The following SLC8A1 variants were observed in gnomAD, a reference collection of about 807,000 sequenced individuals.
SLC8A1 encodes sodium/calcium exchanger 1.
Under a neutral mutation model 68.3 loss-of-function variants are expected in SLC8A1, and 18 were observed. That is an observed-to-expected ratio of 0.26 (90% CI 0.18 to 0.39). The LOEUF is 0.39. SLC8A1 is among the 10% of genes least tolerant of loss of function. The pLI, the probability that SLC8A1 is intolerant of heterozygous loss-of-function variation, is 1.00. For missense variants in SLC8A1, 985 were observed against 1,156.7 expected, an observed-to-expected ratio of 0.85 and a Z score of 2.15; for synonymous variants, 475 against 415.5, an observed-to-expected ratio of 1.14 and a Z score of -1.74.
At chr2:40,367,053 G>C (rs1177097985) in intron 2 of SLC8A1, among the ~76,000 whole-genome samples, 1 of 151,912 alleles carries the variant, frequency 6.6e-6, no homozygotes, top group African/African-American at 2.4e-5. Context: ...ATGAATTACT[G>C]AGGTTCTGGG....
Position 40,360,740 on chromosome 2 carries a change from C to A in SLC8A1, c.1808+67733G>T, listed in dbSNP as rs150702031. ...TAGAATCTGCATCACACTCTCAACC[C>A]CTATGAGACAGAGCCCACTACTCCA... On this transcript the variant is annotated intron_variant, in intron 2 of 7. Transcript: ENST00000406785. Among the ~76,000 whole-genome samples, 1,191 of 152,218 alleles carry A rather than the reference C, an allele frequency of 7.8e-3. 8 individuals carry two copies. Among genetic ancestry groups the A allele is most frequent in the African/African-American group, 0.027 (1,124 of 41,548 alleles).
chr2:40,424,777 T>A (rs781013254), intron 2 of SLC8A1, among the ~76,000 whole-genome samples: 6 of 152,010 alleles, frequency 3.9e-5, no homozygotes, highest in Middle Eastern at 3.4e-3. Flanking sequence ...TAAACGCTCA[T>A]AATCTTTTAA....
chr2:40,242,407 T>C (rs1032800488), intron 2 of SLC8A1, among the ~76,000 whole-genome samples: 2 of 152,230 alleles, frequency 1.3e-5, no homozygotes, highest in African/African-American at 4.8e-5. Flanking sequence ...TGTAACCTCA[T>C]TGTTGTCCTG....
chr2:40,262,770 C>T (rs949916575), intron 2 of SLC8A1, among the ~76,000 whole-genome samples: 2 of 152,126 alleles, frequency 1.3e-5, no homozygotes. Context: ...TCCAAAATAG[C>T]AATTCTAGGC....
chr2:40,466,989 G>A (rs1703713472), intron 1 of SLC8A1, among the ~76,000 whole-genome samples: 2 of 137,102 alleles, frequency 1.5e-5, no homozygotes, highest in African/African-American at 5.4e-5. Flanking sequence ...AAAAAAAAAT[G>A]TGCAGAGAAC....
chr2:40,233,562 C>T (rs9678646), intron 2 of SLC8A1, among the ~76,000 whole-genome samples: 92,064 of 123,958 alleles, frequency 0.74, 35,071 homozygotes, highest in Middle Eastern at 0.83. Flanking sequence ...TTCTCTCTGA[C>T]GGTAGTTTCT....
chr2:40,448,151 T>C (rs1249392852), intron 1 of SLC8A1, among the ~76,000 whole-genome samples: 2 of 152,226 alleles, frequency 1.3e-5, no homozygotes, highest in East Asian at 3.8e-4. Context: ...GACTGTTTGA[T>C]TAATAAGTAC....
intron 2 of SLC8A1, among the ~76,000 whole-genome samples, chr2:40,359,973 G>C (rs773326265): frequency 2.0e-5 from 3 of 151,678 alleles, no homozygotes; most frequent in Non-Finnish European, 4.4e-5. Flanking sequence ...TAACGGCTGT[G>C]CAAGAGTCTG....
At chr2:40,244,822 C>G (rs559462572) in intron 2 of SLC8A1, among the ~76,000 whole-genome samples, 1 of 152,126 alleles carries the variant, frequency 6.6e-6, no homozygotes, top group African/African-American at 2.4e-5. Context: ...CTAGAGGCTT[C>G]TTCCTCCCGA....
chr2:40,116,056 C>T (rs1342109782), intron 7 of SLC8A1, among the ~76,000 whole-genome samples: 6 of 152,086 alleles, frequency 3.9e-5, no homozygotes, highest in African/African-American at 1.4e-4. Flanking sequence ...TAACAGTATC[C>T]TAAAAGATTC....
intron 2 of SLC8A1, among the ~76,000 whole-genome samples, chr2:40,279,550 G>C (rs572391606): frequency 3.9e-5 from 6 of 152,242 alleles, no homozygotes; most frequent in African/African-American, 1.4e-4. Flanking sequence ...AAGAAAGCAA[G>C]ACCTATTAAG....
chr2:40,421,490 A>G (rs926860992), intron 2 of SLC8A1, among the ~76,000 whole-genome samples: 1 of 152,196 alleles, frequency 6.6e-6, no homozygotes, highest in South Asian at 2.1e-4. Flanking sequence ...ATGTAAGCAT[A>G]GAAAAGCAAA....
At chr2:40,170,460 C>T (rs946792944) in intron 4 of SLC8A1, 111 bp from the exon 7 acceptor site, 3 of 886,106 alleles carry the variant, frequency 3.4e-6, no homozygotes, top group African/African-American at 3.3e-5. Context: ...ACATCACAAG[C>T]AACGTTAGTT....
chr2:40,498,375 A>T (rs2149933135), intron 1 of SLC8A1, among the ~76,000 whole-genome samples: 2 of 152,260 alleles, frequency 1.3e-5, no homozygotes, highest in East Asian at 3.9e-4. Flanking sequence ...TTTTTAAAAG[A>T]GAACATTGAA....
chr2:40,387,362 T>C lies in SLC8A1; in HGVS notation c.1808+41111A>G, dbSNP rs574504177. On this transcript the variant is annotated intron_variant, in intron 2 of 7. Coordinates refer to ENST00000406785, the Ensembl canonical transcript of SLC8A1. ...AGATAACAAAGAAATTGATATATTCTATTCACACAGGGGTAGGATGGGAAG... is the reference window on the plus strand; with the variant it reads ...AGATAACAAAGAAATTGATATATTCCATTCACACAGGGGTAGGATGGGAAG... Among the ~76,000 whole-genome samples the C allele has an allele frequency of 9.2e-5, 14 of 151,578 alleles. 1 individual carries two copies. The highest frequency in any genetic ancestry group is 3.2e-4 in the African/African-American group (13 of 40,906).
At chr2:40,504,539 A>G (rs1187371584) in intron 1 of SLC8A1, among the ~76,000 whole-genome samples, 1 of 152,082 alleles carries the variant, frequency 6.6e-6, no homozygotes, top group African/African-American at 2.4e-5. Context: ...GAATGAGAGA[A>G]AAATATTTGC....
intron 2 of SLC8A1, among the ~76,000 whole-genome samples, chr2:40,312,936 G>A (rs2073925831): frequency 6.6e-6 from 1 of 151,936 alleles, no homozygotes; most frequent in African/African-American, 2.4e-5. Context: ...TAAATCTAAT[G>A]GGTTTTGAAA....
chr2:40,131,061 A>G (rs2039223342), intron 7 of SLC8A1, among the ~76,000 whole-genome samples: 1 of 152,216 alleles, frequency 6.6e-6, no homozygotes, highest in East Asian at 1.9e-4. Flanking sequence ...TTAAGGGTCT[A>G]CTATATGCGA....
Position 40,394,116 on chromosome 2 carries a change from C to G in SLC8A1, c.1808+34357G>C, listed in dbSNP as rs34364604. On this transcript the variant is annotated intron_variant, in intron 2 of 7. Transcript: ENST00000406785. ...TACAGTAGTGCACAGGACAGCCCCC[C>G]ACAAAGAAGAATGACCTGGGCTAAA... 2.5e-4 allele frequency among the ~76,000 whole-genome samples: 38 copies of G among 152,094 alleles called. 1 individual carries two copies. In the South Asian group the frequency reaches 2.9e-3, roughly 12 times the overall value.
Sources: gnomAD v4.1 joint callset for allele counts (sites outside exome capture counted in the v4.1 genomes callset) on GRCh38, gnomAD v4.1.1 for gene constraint, MANE v1.5 for transcripts, NCBI Gene and HGNC (gene_info 2026-07-23, HGNC 2026-07-21) for gene names.